The following VEPH1 variants were observed in gnomAD, a reference collection of about 807,000 sequenced individuals.
VEPH1 encodes ventricular zone-expressed PH domain-containing protein homolog 1.
A neutral mutation model predicts 85.2 loss-of-function variants in VEPH1; 80 were observed. The ratio of observed to expected loss-of-function variants is 0.94; its 90% CI spans 0.78 to 1.13. The LOEUF (loss-of-function observed/expected upper bound fraction) is 1.13. VEPH1 is among the 50% of genes most tolerant of loss of function. The pLI, the probability that VEPH1 is intolerant of heterozygous loss-of-function variation, is 0.00. For missense variants in VEPH1, 955 were observed against 980.5 expected (o/e 0.97, Z 0.35); for synonymous variants, 297 against 348.0 (o/e 0.85, Z 1.63).
chr3:157,462,343 T>C (rs1735956739), intron 3 of VEPH1, among the ~76,000 whole-genome samples: 1 of 152,178 alleles, frequency 6.6e-6, no homozygotes, highest in Non-Finnish European at 1.5e-5. Flanking sequence ...ATTTTAGCTA[T>C]TCTTTTAAAT....
At chr3:157,360,983 C>A (rs1438889050) in intron 9 of VEPH1, among the ~76,000 whole-genome samples, 3 of 152,166 alleles carry the variant, frequency 2.0e-5, no homozygotes, top group Non-Finnish European at 4.4e-5. Context: ...ACCTTTAATG[C>A]TTTAGATCAA....
intron 11 of VEPH1, among the ~76,000 whole-genome samples, chr3:157,313,192 C>T (rs1293866625): frequency 6.6e-6 from 1 of 152,032 alleles, no homozygotes; most frequent in Non-Finnish European, 1.5e-5. Context: ...GCATGAGCCA[C>T]CGTGCCCGGC....
chr3:157,415,690 C>T (rs191104080), intron 5 of VEPH1, among the ~76,000 whole-genome samples: 1 of 152,164 alleles, frequency 6.6e-6, no homozygotes, highest in Non-Finnish European at 1.5e-5. Context: ...CCACTTGGTC[C>T]ACCTTCCCGC....
intron 9 of VEPH1, among the ~76,000 whole-genome samples, chr3:157,317,852 A>G (rs900680254): frequency 1.1e-4 from 17 of 152,342 alleles, no homozygotes; most frequent in Non-Finnish European, 1.6e-4. Flanking sequence ...ATATGGGTTG[A>G]GATTCTATGG....
chr3:157,393,470 A>G (rs1490030697), intron 6 of VEPH1, among the ~76,000 whole-genome samples: 2 of 152,216 alleles, frequency 1.3e-5, no homozygotes, highest in African/African-American at 4.8e-5. Flanking sequence ...TATTATTTTT[A>G]GTATGATCTG....
chr3:157,399,490 C>A (rs1730659712), intron 6 of VEPH1, among the ~76,000 whole-genome samples: 2 of 152,066 alleles, frequency 1.3e-5, no homozygotes, highest in African/African-American at 4.8e-5. Context: ...CAGTCTTTTT[C>A]AGTCTTTTCC....
intron 5 of VEPH1, among the ~76,000 whole-genome samples, chr3:157,421,845 G>A (rs1248057561): frequency 6.6e-6 from 1 of 152,118 alleles, no homozygotes; most frequent in African/African-American, 2.4e-5. Context: ...CTTCCCCCCA[G>A]GTAGGATCCT....
At chr3:157,334,981 A>T (rs1722828482) in intron 9 of VEPH1, among the ~76,000 whole-genome samples, 1 of 152,210 alleles carries the variant, frequency 6.6e-6, no homozygotes, top group Admixed American at 6.5e-5. Flanking sequence ...CTATTTTCTC[A>T]TTCATAAAAT....
chr3:157,445,056 C>CG lies in VEPH1; in HGVS notation c.529+15124dup, dbSNP rs1734435878. Among the ~76,000 whole-genome samples the CG allele has an allele frequency of 2.0e-5, 3 of 152,224 alleles. No individual in the cohort carries two copies. The South Asian group carries it at 6.2e-4, about 32-fold the overall frequency. On this transcript the variant is annotated intron_variant, in intron 4 of 13. Coordinates refer to ENST00000362010, the MANE Select transcript of VEPH1 (RefSeq NM_001167912.2). ...AGCCATATAACTATGTTCTGACCAACGCTGAAATATTATATGTGATTCTTT... is the reference window on the plus strand; with the variant it reads ...AGCCATATAACTATGTTCTGACCAACGGCTGAAATATTATATGTGATTCTTT...
intron 2 of VEPH1, among the ~76,000 whole-genome samples, chr3:157,481,466 A>ACACACAC (rs60332684): frequency 0.066 from 3,069 of 46,290 alleles, 82 homozygotes; most frequent in African/African-American, 0.08. Flanking sequence ...ACACACACAC[A>ACACACAC]AAAAAAAAAA....
intron 11 of VEPH1, among the ~76,000 whole-genome samples, chr3:157,288,829 T>C (rs1044539098): frequency 6.6e-6 from 1 of 152,180 alleles, no homozygotes; most frequent in Admixed American, 6.5e-5. Context: ...ATTAAGACTC[T>C]TATGGCTTGT....
upstream of VEPH1, chr3:157,503,546 G>C (rs1740272942): frequency 6.6e-6 from 1 of 152,178 alleles, no homozygotes. Context: ...TTGACGCAAA[G>C]CTTCACTTAT....
At chr3:157,288,996 G>T (rs1325243291) in intron 11 of VEPH1, among the ~76,000 whole-genome samples, 5 of 152,132 alleles carry the variant, frequency 3.3e-5, no homozygotes, top group Admixed American at 2.0e-4. Context: ...TGGAAAAAAA[G>T]ACTTTTTTTT....
intron 9 of VEPH1, among the ~76,000 whole-genome samples, chr3:157,325,309 A>G (rs1294897296): frequency 6.6e-6 from 1 of 152,146 alleles, no homozygotes; most frequent in East Asian, 1.9e-4. Flanking sequence ...CTGTGATGAT[A>G]GTTTCTTTTA....
chr3:157,348,738 C>T (rs916655001), intron 9 of VEPH1, among the ~76,000 whole-genome samples: 2 of 152,232 alleles, frequency 1.3e-5, no homozygotes, highest in Non-Finnish European at 2.9e-5. Context: ...TGCATCTCTA[C>T]TCCCCTGCTG....
chr3:157,261,446 C>G, intron 13 of VEPH1, 76 bp from the exon 14 acceptor site: 8 of 1,562,730 alleles, frequency 5.1e-6, no homozygotes, highest in Non-Finnish European at 6.0e-6. Flanking sequence ...GGAGAACTTT[C>G]TAAGAGGGCC....
At chr3:157,332,222 T>TA (rs1242093022) in intron 9 of VEPH1, among the ~76,000 whole-genome samples, 1 of 152,222 alleles carries the variant, frequency 6.6e-6, no homozygotes, top group Non-Finnish European at 1.5e-5. Context: ...AACAAATTCT[T>TA]ATTGCAGTAA....
chr3:157,457,922 T>G (rs1375994500), intron 4 of VEPH1, among the ~76,000 whole-genome samples: 1 of 152,130 alleles, frequency 6.6e-6, no homozygotes. Flanking sequence ...TTTTTTGGAA[T>G]AGCTTCAGCA....
intron 1 of VEPH1, among the ~76,000 whole-genome samples, chr3:157,498,016 A>C (rs542099058): frequency 4.6e-5 from 7 of 152,252 alleles, no homozygotes; most frequent in Non-Finnish European, 1.0e-4. Flanking sequence ...AATCTCCTGG[A>C]TACTACAAAA....
Sources: gnomAD v4.1 joint callset for allele counts (sites outside exome capture counted in the v4.1 genomes callset) on GRCh38, gnomAD v4.1.1 for gene constraint, MANE v1.5 for transcripts, NCBI Gene and HGNC (gene_info 2026-07-23, HGNC 2026-07-21) for gene names.